Variants in SRR observed in about 807,000 individuals in gnomAD.
The protein encoded by SRR is serine racemase, also known as D-serine ammonia-lyase.
Under a neutral mutation model 32.7 loss-of-function variants are expected in SRR, and 19 were observed. The observed-to-expected ratio is 0.58, with a 90% CI of 0.40 to 0.85. The LOEUF (loss-of-function observed/expected upper bound fraction) is 0.85, where lower values mean the gene tolerates loss of function less well. SRR is among the 40% of genes least tolerant of loss of function. The pLI, the probability that SRR is intolerant of heterozygous loss-of-function variation, is 0.00. For missense variants in SRR, 373 were observed against 404.7 expected, an observed-to-expected ratio of 0.92 and a Z score of 0.67; for synonymous variants, 142 against 140.9, an observed-to-expected ratio of 1.01 and a Z score of -0.06.
intron 2 of SRR, among the ~76,000 whole-genome samples, chr17:2,317,429 G>T (rs1484645514): frequency 6.6e-6 from 1 of 151,464 alleles, no homozygotes; most frequent in African/African-American, 2.4e-5. Context: ...GGAGAATGGC[G>T]TGAACCCGGG....
At chr17:2,318,396 C>T (rs1019000055) in intron 3 of SRR, among the ~76,000 whole-genome samples, 4 of 151,900 alleles carry the variant, frequency 2.6e-5, no homozygotes, top group African/African-American at 7.2e-5. Context: ...GCAATCCACC[C>T]GCCTTGGCCT....
chr17:2,323,630 T>C (rs761657041), intron 7 of SRR, 25 bp from the exon 8 acceptor site: 22 of 1,611,368 alleles, frequency 1.4e-5, no homozygotes, highest in Non-Finnish European at 1.8e-5. Flanking sequence ...CTTTCACTAA[T>C]TCCTACTCCC....
At chr17:2,314,480 G>A (rs2075455832) in intron 1 of SRR, among the ~76,000 whole-genome samples, 1 of 152,068 alleles carries the variant, frequency 6.6e-6, no homozygotes, top group Non-Finnish European at 1.5e-5. Context: ...CTACCAGGGA[G>A]GCTGAGGCAG....
chr17:2,303,441 C>A, upstream of SRR: 1 of 1,298,668 alleles, frequency 7.7e-7, no homozygotes, highest in Non-Finnish European at 9.8e-7. Context: ...CTGGCCAGGA[C>A]TGGCCGAGCC....
chr17:2,314,185 C>T (rs548363562), intron 1 of SRR, among the ~76,000 whole-genome samples: 2 of 152,196 alleles, frequency 1.3e-5, no homozygotes, highest in Non-Finnish European at 2.9e-5. Context: ...CGCAGTGACT[C>T]ACGCCTATAA....
At chr17:2,307,539 G>T (rs1597257365) in intron 1 of SRR, 2 of 1,218,696 alleles carry the variant, frequency 1.6e-6, no homozygotes, top group East Asian at 4.6e-5. Context: ...AAGCTACAAT[G>T]ATTTTGGCAA....
intron 2 of SRR, 72 bp downstream of exon 2, chr17:2,315,800 C>A: frequency 1.4e-6 from 2 of 1,410,406 alleles, no homozygotes; most frequent in South Asian, 1.2e-5. Context: ...ATTCTCCTGA[C>A]CACCCAATGA....
chr17:2,308,584 C>T (rs2075410367), intron 1 of SRR, among the ~76,000 whole-genome samples: 1 of 152,172 alleles, frequency 6.6e-6, no homozygotes, highest in African/African-American at 2.4e-5. Flanking sequence ...TTTGGCTGGG[C>T]ACGGTGGCTC....
chr17:2,316,209 A>C (rs929590150), intron 2 of SRR, among the ~76,000 whole-genome samples: 24 of 152,156 alleles, frequency 1.6e-4, no homozygotes, highest in African/African-American at 5.8e-4. Context: ...GCAGCCTAGG[A>C]GTAATAGGCT....
rs1460661629 is a variant in SRR at position 2,324,000 on chromosome 17, G to GT, written c.*135dup. ...GTGGCTATTTCATTAAGATTTAATA[G>GT]TTTTTTTTGGACTAAGTAGTGGAAA... On this transcript the variant is annotated 3_prime_UTR_variant, in exon 8 of 8. Coordinates refer to ENST00000344595, the MANE Select transcript of SRR (RefSeq NM_021947.3). 368 of 1,148,960 alleles carry GT rather than the reference G, an allele frequency of 3.2e-4. 2 individuals carry two copies. In the South Asian group the frequency reaches 4.1e-3, roughly 13 times the overall value. 71.2% of individuals were successfully genotyped at this position (1,148,960 alleles called of 1,614,324 possible). A position where few individuals can be genotyped will look rare whatever the true frequency, so the allele number is the denominator to read the frequency against.
chr17:2,320,143 A>G (rs764083090), intron 4 of SRR, among the ~76,000 whole-genome samples: 16 of 150,828 alleles, frequency 1.1e-4, no homozygotes, highest in Admixed American at 2.0e-4. Context: ...TCAAGTCTAA[A>G]TCCTCTGTTG....
upstream of SRR, chr17:2,303,843 T>A (rs373293127): frequency 4.0e-3 from 2,607 of 659,042 alleles, 63 homozygotes; most frequent in African/African-American, 0.048. Context: ...CCTGCCGCCC[T>A]CCCTTTCCGA....
chr17:2,315,784 A>G, intron 2 of SRR, 56 bp downstream of exon 2: 1 of 1,528,698 alleles, frequency 6.5e-7, no homozygotes, highest in Non-Finnish European at 9.0e-7. Flanking sequence ...TTCACATATC[A>G]GTTTGATTCT....
chr17:2,320,291 C>T (rs572693601), intron 4 of SRR, among the ~76,000 whole-genome samples: 15 of 143,668 alleles, frequency 1.0e-4, no homozygotes, highest in African/African-American at 2.9e-4. Flanking sequence ...AGAATCTCCC[C>T]GTCTCCCAGG....
At position 2,321,389 on chromosome 17, in the gene SRR, T is replaced by C; in HGVS notation, c.483T>C (p.Ala161=). 6.2e-7 allele frequency: 1 copy of C among 1,612,436 alleles called. No individual in the cohort carries two copies. The highest frequency in any genetic ancestry group is 8.5e-7 in the Non-Finnish European group (1 of 1,179,522). The change falls in exon 5 of 8, where the codon GCT becomes GCC. Residue 161 remains alanine, a synonymous_variant. Coordinates refer to ENST00000344595, the MANE Select transcript of SRR (RefSeq NM_021947.3). ...CCAACCAGGAGCCTGCAGTGATAGC[T>C]GGACAAGGGACAATTGCCCTGGAAG... ...VHPNQEPAVI[A]GQGTIALEVL...
intron 2 of SRR, among the ~76,000 whole-genome samples, chr17:2,317,099 A>C (rs1385196700): frequency 6.8e-6 from 1 of 147,534 alleles, no homozygotes. Flanking sequence ...GCTGCTTGGG[A>C]GGCTGAGGCA....
chr17:2,324,919 C>G lies in SRR; in HGVS notation c.*1046C>G. The G allele has an allele frequency of 6.9e-7, 1 of 1,458,430 alleles. No individual in the cohort carries two copies. 90.3% of individuals were successfully genotyped at this position (1,458,430 alleles called of 1,614,324 possible). A position where few individuals can be genotyped will look rare whatever the true frequency, so the allele number is the denominator to read the frequency against. On this transcript the variant is annotated 3_prime_UTR_variant, in exon 8 of 8. Transcript: ENST00000344595. Reference sequence around the variant, plus strand: ...GTCCATTTAAAGACCCATGCAAGAGCCTGGTTTGTCATCCCTGCCCTAGCC... The same window carrying G: ...GTCCATTTAAAGACCCATGCAAGAGGCTGGTTTGTCATCCCTGCCCTAGCC...
At chr17:2,307,151 C>T (rs1482243976) in intron 1 of SRR, 7 of 1,303,130 alleles carry the variant, frequency 5.4e-6, no homozygotes, top group Non-Finnish European at 7.7e-6. Flanking sequence ...TATGGAAAAA[C>T]TGAAGTGATT....
chr17:2,322,556 A>G (rs1031708179), intron 6 of SRR: 1 of 152,310 alleles, frequency 6.6e-6, no homozygotes, highest in Non-Finnish European at 1.5e-5. Context: ...GCTGGAGTGC[A>G]GTGGCACGAT....
Sources: gnomAD v4.1 joint callset for allele counts (sites outside exome capture counted in the v4.1 genomes callset) on GRCh38, gnomAD v4.1.1 for gene constraint, MANE v1.5 for transcripts, NCBI Gene and HGNC (gene_info 2026-07-23, HGNC 2026-07-21) for gene names.